AFG2A: variants seen among roughly 807,000 people sequenced by gnomAD.
The protein encoded by AFG2A is ATPase family gene 2 protein homolog A.
At chr4:123,196,554 C>G in the AFG2A span, among the ~76,000 whole-genome samples, 1 of 151,842 alleles carries the variant, frequency 6.6e-6, no homozygotes, top group Non-Finnish European at 1.5e-5. Flanking sequence ...CCACATGAGA[C>G]CATTACTTCT....
At chr4:123,028,523 T>A in the AFG2A span, 1 of 702,406 alleles carries the variant, frequency 1.4e-6, no homozygotes, top group Non-Finnish European at 2.4e-6. Flanking sequence ...TTTTATTTGA[T>A]GTTGATGGCA....
the AFG2A span, among the ~76,000 whole-genome samples, chr4:122,998,428 A>G: frequency 2.0e-5 from 3 of 151,944 alleles, no homozygotes; most frequent in Non-Finnish European, 2.9e-5. Context: ...GTCATTTAGC[A>G]TTAGGTATAT....
At chr4:123,079,713 C>G in the AFG2A span, among the ~76,000 whole-genome samples, 1 of 147,424 alleles carries the variant, frequency 6.8e-6, no homozygotes, top group African/African-American at 2.5e-5. Context: ...ATATTTGACA[C>G]AGTTAACTCC....
chr4:122,977,587 C>T, the AFG2A span, among the ~76,000 whole-genome samples: 1 of 152,252 alleles, frequency 6.6e-6, no homozygotes, highest in Non-Finnish European at 1.5e-5. Flanking sequence ...ATCTGGGCTC[C>T]CCAGAGGGCC....
chr4:123,229,345 A>G, the AFG2A span, among the ~76,000 whole-genome samples: 94 of 152,150 alleles, frequency 6.2e-4, no homozygotes, highest in Non-Finnish European at 8.2e-4. Context: ...AAAGGGCTGC[A>G]CATTTGATAA....
the AFG2A span, chr4:123,102,236 A>C: frequency 6.6e-6 from 1 of 150,660 alleles, no homozygotes; most frequent in Non-Finnish European, 1.5e-5. Context: ...CTTCAAACAG[A>C]TCATAAAGCA....
chr4:123,247,477 T>C, the AFG2A span, among the ~76,000 whole-genome samples: 6 of 152,116 alleles, frequency 3.9e-5, no homozygotes, highest in Non-Finnish European at 8.8e-5. Context: ...TAGGCTGGAG[T>C]GCAGTGGTGG....
chr4:123,037,972 T>C, the AFG2A span, among the ~76,000 whole-genome samples: 2 of 152,058 alleles, frequency 1.3e-5, no homozygotes, highest in Non-Finnish European at 2.9e-5. Context: ...ACTCAGCCTC[T>C]TTGTACTTTG....
the AFG2A span, among the ~76,000 whole-genome samples, chr4:123,237,415 A>T: frequency 6.6e-6 from 1 of 151,768 alleles, no homozygotes; most frequent in South Asian, 2.1e-4. Flanking sequence ...CATGATGGCT[A>T]TAATCCCAGC....
chr4:123,304,211 C>T, the AFG2A span, among the ~76,000 whole-genome samples: 1 of 152,180 alleles, frequency 6.6e-6, no homozygotes, highest in Non-Finnish European at 1.5e-5. Context: ...TGCTCTGCAG[C>T]CAGGAGCCTG....
chr4:122,942,479 AT>A, the AFG2A span, among the ~76,000 whole-genome samples: 3 of 151,592 alleles, frequency 2.0e-5, no homozygotes, highest in Middle Eastern at 3.4e-3. Flanking sequence ...CGGTGCTGAT[AT>A]CCCCTTTATC....
At chr4:123,067,563 C>T in the AFG2A span, among the ~76,000 whole-genome samples, 1 of 150,892 alleles carries the variant, frequency 6.6e-6, no homozygotes, top group Non-Finnish European at 1.5e-5. Flanking sequence ...AATTTACATG[C>T]CTACCATTTG....
the AFG2A span, among the ~76,000 whole-genome samples, chr4:123,130,284 T>C: frequency 2.0e-5 from 3 of 152,236 alleles, no homozygotes; most frequent in African/African-American, 7.2e-5. Context: ...CCCAAAGTAC[T>C]GAGATGACAG....
the AFG2A span, among the ~76,000 whole-genome samples, chr4:123,279,385 G>A: frequency 9.9e-4 from 149 of 150,756 alleles, no homozygotes; most frequent in Middle Eastern, 6.9e-3. Context: ...ACTCCAGCCT[G>A]GGTGACAGAG....
chr4:123,107,759 C>G, the AFG2A span, among the ~76,000 whole-genome samples: 1 of 152,362 alleles, frequency 6.6e-6, no homozygotes, highest in East Asian at 1.9e-4. Context: ...GCCTCCCTCC[C>G]ATGCTCACCA....
the AFG2A span, among the ~76,000 whole-genome samples, chr4:123,104,229 A>T: frequency 1.3e-5 from 2 of 152,184 alleles, no homozygotes; most frequent in South Asian, 4.1e-4. Context: ...TATTATTATT[A>T]TGTTATCTTG....
chr4:123,009,659 G>A, the AFG2A span, among the ~76,000 whole-genome samples: 8 of 152,158 alleles, frequency 5.3e-5, no homozygotes, highest in Non-Finnish European at 5.9e-5. Flanking sequence ...TGGCCTTGAC[G>A]ATTTTAAGGT....
the AFG2A span, among the ~76,000 whole-genome samples, chr4:123,236,873 TTC>T: frequency 6.6e-6 from 1 of 152,236 alleles, no homozygotes; most frequent in Admixed American, 6.5e-5. Context: ...AGCCAGATGA[TTC>T]CTGTGCACAT....
the AFG2A span, among the ~76,000 whole-genome samples, chr4:123,299,288 C>G: frequency 6.6e-6 from 1 of 152,146 alleles, no homozygotes; most frequent in African/African-American, 2.4e-5. Flanking sequence ...AAAATGTGTA[C>G]AAAAGATATC....
Sources: gnomAD v4.1 joint callset for allele counts (sites outside exome capture counted in the v4.1 genomes callset) on GRCh38, gnomAD v4.1.1 for gene constraint, MANE v1.5 for transcripts, NCBI Gene and HGNC (gene_info 2026-07-23, HGNC 2026-07-21) for gene names.